Variants in FBXO42 observed in about 807,000 individuals in gnomAD.
FBXO42 encodes the protein F-box protein 42, also known as F-box only protein 42.
FBXO42 carries 12 observed loss-of-function variants against 71.7 expected under a neutral mutation model. The ratio of observed to expected loss-of-function variants is 0.17; its 90% CI spans 0.11 to 0.27. The LOEUF (loss-of-function observed/expected upper bound fraction) is 0.27, where lower values mean the gene tolerates loss of function less well. Ranked by LOEUF, FBXO42 falls within the 10% of genes least tolerant of loss-of-function variation. The pLI is 1.00. For missense variants in FBXO42, 707 were observed against 911.9 expected (o/e 0.78, Z 2.89); for synonymous variants, 325 against 327.5 (o/e 0.99, Z 0.08).
Position 16,281,475 on chromosome 1 carries a change from T to G in FBXO42, c.502+13308A>C, listed in dbSNP as rs922298493. On this transcript the variant is annotated intron_variant, in intron 4 of 9. Coordinates refer to ENST00000375592, the MANE Select transcript of FBXO42 (RefSeq NM_018994.3). ...TTTCTTTTCTTTTTCTTTTTTTGTT[T>G]TTTTTTTTTTTTGAGATGGAGTCTC... Among the ~76,000 whole-genome samples, 35 of 149,340 alleles carry G rather than the reference T, an allele frequency of 2.3e-4. 1 individual carries two copies. Among genetic ancestry groups the G allele is most frequent in the South Asian group, 2.1e-3 (10 of 4,714 alleles).
chr1:16,334,603 G>C (rs1032860730), intron 1 of FBXO42, among the ~76,000 whole-genome samples: 1 of 151,966 alleles, frequency 6.6e-6, no homozygotes, highest in Non-Finnish European at 1.5e-5. Context: ...TTACTATTCT[G>C]TATCAGTTTA....
intron 3 of FBXO42, among the ~76,000 whole-genome samples, chr1:16,299,748 G>T (rs935420758): frequency 1.3e-5 from 2 of 152,018 alleles, no homozygotes; most frequent in East Asian, 3.9e-4. Context: ...GGGTTCAAGC[G>T]ATTTTCCTGC....
chr1:16,269,508 A>G (rs2081815608), intron 4 of FBXO42, among the ~76,000 whole-genome samples: 1 of 151,556 alleles, frequency 6.6e-6, no homozygotes, highest in African/African-American at 2.4e-5. Context: ...TACATGTGCC[A>G]CCACATCTGG....
At position 16,250,882 on chromosome 1, in the gene FBXO42, C is replaced by T. The variant is rs149283009; in HGVS notation, c.1942G>A (p.Val648Met). The change falls in exon 10 of 10, where the codon GTG (valine) becomes ATG (methionine). Residue 648 changes from valine to methionine, a missense_variant. Transcript: ENST00000375592. This position sits in a 1 kb window ranked among gnomAD's most constrained non-coding sequence, Gnocchi z 4.7. ...SMNCKPMQMY[V>M]LDIKDTKEKG... is the part of the protein sequence containing the mutation. ...TCCTTGGTGTCTTTAATGTCCAGCA[C>T]GTACATCTGCATGGGCTTGCAGTTC... 27 of 1,614,148 alleles carry T rather than the reference C, an allele frequency of 1.7e-5. 1 individual carries two copies. The highest frequency in any genetic ancestry group is 1.3e-4 in the South Asian group (12 of 91,082).
At chr1:16,325,610 A>G (rs1022360903) in intron 1 of FBXO42, among the ~76,000 whole-genome samples, 1 of 152,224 alleles carries the variant, frequency 6.6e-6, no homozygotes, top group African/African-American at 2.4e-5. Flanking sequence ...AAATTTAAAA[A>G]TGGAAAAATA....
In FBXO42 at chr1:16,253,544, T is replaced by C. The variant is rs541511767; in HGVS notation, c.864+91A>G. The C allele has an allele frequency of 1.0e-4, 111 of 1,115,328 alleles. No individual in the cohort carries two copies. The African/African-American group carries it at 1.5e-3, about 15-fold the overall frequency. The allele number at this position is 1,115,328 out of a possible 1,614,324, so 69.1% of individuals were successfully genotyped here. On this transcript the variant is annotated intron_variant, in intron 7 of 9. Coordinates refer to ENST00000375592, the MANE Select transcript of FBXO42 (RefSeq NM_018994.3). The stretch of plus-strand genomic sequence containing the variant: ...TACATTTTCTTTGGCTTAGTGCATA[T>C]TGGCATCTTACCTGACTCCCTCCTC...
At chr1:16,270,791 C>CACACAT (rs1553150256) in intron 4 of FBXO42, among the ~76,000 whole-genome samples, 2 of 138,012 alleles carry the variant, frequency 1.4e-5, no homozygotes, top group East Asian at 2.0e-4. Context: ...CACACACACA[C>CACACAT]ATATAAAATT....
At chr1:16,258,360 TTCC>T (rs1432407860) in intron 4 of FBXO42, among the ~76,000 whole-genome samples, 1 of 134,230 alleles carries the variant, frequency 7.4e-6, no homozygotes, top group Non-Finnish European at 1.7e-5. Context: ...TCATTTCTTC[TTCC>T]TTTTTTTTTT....
intron 4 of FBXO42, among the ~76,000 whole-genome samples, chr1:16,287,489 C>G (rs2082034326): frequency 6.6e-6 from 1 of 152,166 alleles, no homozygotes; most frequent in African/African-American, 2.4e-5. Context: ...GTGTCCCTGG[C>G]ATATAGAACA....
chr1:16,253,299 T>C lies in FBXO42; in HGVS notation c.865-147A>G, dbSNP rs1443544186. ...ACCTCTCCATTCTCCTAAAAACATA[T>C]CAATTCTGATCCCTGTGAATAAATT... On this transcript the variant is annotated intron_variant, in intron 7 of 9. Coordinates refer to ENST00000375592, the MANE Select transcript of FBXO42 (RefSeq NM_018994.3). 4.7e-6 allele frequency: 3 copies of C among 643,534 alleles called. No homozygotes were observed. The African/African-American group carries it at 5.6e-5, about 12-fold the overall frequency. 39.9% of individuals were successfully genotyped at this position (643,534 alleles called of 1,614,324 possible). A position where few individuals can be genotyped will look rare whatever the true frequency, so the allele number is the denominator to read the frequency against.
intron 2 of FBXO42, among the ~76,000 whole-genome samples, chr1:16,314,847 G>A (rs529584170): frequency 8.0e-5 from 12 of 150,910 alleles, no homozygotes; most frequent in African/African-American, 2.9e-4. Flanking sequence ...TTGCGCCACT[G>A]CACTCCAGCC....
In FBXO42 at chr1:16,305,839, A is replaced by G; in HGVS notation, c.331T>C (p.Tyr111His). The G allele has an allele frequency of 6.2e-7, 1 of 1,614,114 alleles. No homozygotes were observed. The highest frequency in any genetic ancestry group is 1.7e-5 in the Admixed American group (1 of 60,012). Residue 111 changes from tyrosine (Y) to histidine (H), a missense_variant, in exon 3 of 10, where the codon TAT becomes CAT. Transcript: ENST00000375592. ...NIQWESRTYP[Y>H]PGTPITQRFS... The stretch of plus-strand genomic sequence containing the variant: ...CGCTGAGTGATTGGGGTTCCAGGAT[A>G]AGGATAGGTACGGCTCTCCCACTGA...
rs1231481331 is a variant in FBXO42, at chr1:16,304,978, AG to A, written c.367+824del. The stretch of plus-strand genomic sequence containing the variant: ...AGACTCTGTCTCAAAAAAAAGAAAA[AG>A]CAGAATATAAAATTCTTAACAAACT... On this transcript the variant is annotated intron_variant, in intron 3 of 9. Coordinates refer to ENST00000375592, the MANE Select transcript of FBXO42 (RefSeq NM_018994.3). Among the ~76,000 whole-genome samples, 10 of 152,184 alleles carry A rather than the reference AG, an allele frequency of 6.6e-5. No individual in the cohort carries two copies. In the East Asian group the frequency reaches 1.9e-3, roughly 29 times the overall value.
chr1:16,351,590 A>G (rs2082703522), intron 1 of FBXO42, among the ~76,000 whole-genome samples: 1 of 151,920 alleles, frequency 6.6e-6, no homozygotes, highest in Non-Finnish European at 1.5e-5. Context: ...GCGACCATCA[A>G]GATCTCACAA....
intron 4 of FBXO42, among the ~76,000 whole-genome samples, chr1:16,282,980 C>CA (rs57691487): frequency 0.057 from 5,619 of 98,228 alleles, 137 homozygotes; most frequent in African/African-American, 0.08. Context: ...GACTCCGTCT[C>CA]AAAAAAAAAA....
intron 4 of FBXO42, 53 bp from the exon 5 acceptor site, chr1:16,256,812 G>A (rs984613805): frequency 5.0e-6 from 8 of 1,586,150 alleles, no homozygotes; most frequent in Admixed American, 3.4e-5. Flanking sequence ...ACAACAATCC[G>A]TAGTTAGGCT....
Position 16,247,161 on chromosome 1 carries a change from G to A in FBXO42, c.*3509C>T, listed in dbSNP as rs1028912933. 6.6e-6 allele frequency: 1 copy of A among 152,230 alleles called. No individual in the cohort carries two copies. Among genetic ancestry groups the A allele is most frequent in the Non-Finnish European group, 1.5e-5 (1 of 68,052 alleles). The allele number at this position is 152,230 out of a possible 1,614,324, so 9.4% of individuals were successfully genotyped here. On this transcript the variant is annotated 3_prime_UTR_variant, in exon 10 of 10. Coordinates refer to ENST00000375592, the MANE Select transcript of FBXO42 (RefSeq NM_018994.3). ...TTTGCTCTCATTTGACAATGAACAC[G>A]GTGAGAGGGAGCCACTTACTGGTAA...
intron 3 of FBXO42, among the ~76,000 whole-genome samples, chr1:16,304,270 C>T (rs1047920392): frequency 2.6e-5 from 4 of 151,684 alleles, no homozygotes; most frequent in African/African-American, 9.7e-5. Context: ...GCATGTGCCA[C>T]CATGGCTGGT....
chr1:16,286,209 T>C (rs376491739), intron 4 of FBXO42, among the ~76,000 whole-genome samples: 3 of 152,152 alleles, frequency 2.0e-5, no homozygotes, highest in African/African-American at 7.2e-5. Flanking sequence ...CTTGGTAATC[T>C]CATGCAGTCT....
Sources: allele counts gnomAD v4.1 joint callset (sites outside exome capture counted in the v4.1 genomes callset), GRCh38; gene constraint gnomAD v4.1.1; non-coding constraint Gnocchi (gnomAD v3.1); transcripts MANE v1.5; gene names NCBI Gene and HGNC (gene_info 2026-07-23, HGNC 2026-07-21).